IFNGR2: variants seen among roughly 807,000 people sequenced by gnomAD.
IFNGR2 encodes interferon gamma receptor 2.
Under a neutral mutation model 41.1 loss-of-function variants are expected in IFNGR2, and 15 were observed. The ratio of observed to expected loss-of-function variants is 0.37; its 90% CI spans 0.24 to 0.56. The LOEUF is 0.56. IFNGR2 is among the 20% of genes least tolerant of loss of function. The pLI, the probability that IFNGR2 is intolerant of heterozygous loss-of-function variation, is 0.81. For synonymous variants in IFNGR2, 161 were observed against 171.6 expected (o/e 0.94, Z 0.48); for missense variants, 362 against 415.7 (o/e 0.87, Z 1.12).
At chr21:33,418,441 T>C (rs1240662090) in intron 2 of IFNGR2, among the ~76,000 whole-genome samples, 1 of 151,932 alleles carries the variant, frequency 6.6e-6, no homozygotes, top group Non-Finnish European at 1.5e-5. Flanking sequence ...GGATGATTTC[T>C]TTTTCTTTTT....
intron 6 of IFNGR2, among the ~76,000 whole-genome samples, chr21:33,434,924 G>A (rs946503199): frequency 3.9e-5 from 6 of 152,098 alleles, no homozygotes; most frequent in African/African-American, 1.4e-4. Context: ...GAAAACACAG[G>A]CCTGTCAGTT....
chr21:33,426,493 C>T (rs555158706), intron 3 of IFNGR2, among the ~76,000 whole-genome samples: 4 of 151,670 alleles, frequency 2.6e-5, no homozygotes, highest in African/African-American at 7.3e-5. Context: ...CTGAGGTGGG[C>T]GGATCACGAG....
chr21:33,428,810 G>A (rs1206475284), intron 4 of IFNGR2, among the ~76,000 whole-genome samples: 1 of 152,176 alleles, frequency 6.6e-6, no homozygotes, highest in Non-Finnish European at 1.5e-5. Flanking sequence ...CGAGGGCACC[G>A]TGTTGCCATG....
rs565152030 is a variant in IFNGR2 at position 33,409,252 on chromosome 21, AGGTCAGGAGATCAAGACCATCCT to A, written c.74-5633_74-5611del. Among the ~76,000 whole-genome samples the A allele has an allele frequency of 2.9e-3, 442 of 152,008 alleles. 1 individual carries two copies. Among genetic ancestry groups the A allele is most frequent in the Admixed American group, 4.8e-3 (73 of 15,262 alleles). ...GGGAGGCCAAGGCAGGCAGATCAGG[AGGTCAGGAGATCAAGACCATCCT>A]GGCTAATAATGGTGAAACCTCGTCT... On this transcript the variant is annotated intron_variant, in intron 1 of 6. Coordinates refer to ENST00000290219, the MANE Select transcript of IFNGR2 (RefSeq NM_005534.4).
rs557769248 is a variant in IFNGR2 at position 33,421,568 on chromosome 21, G to A, written c.295G>A (p.Ala99Thr). 9.9e-6 allele frequency: 16 copies of A among 1,613,906 alleles called. No homozygotes were observed. Among genetic ancestry groups the A allele is most frequent in the East Asian group, 2.2e-5 (1 of 44,880 alleles). ...AGCAACAGAGTGTGACTTCACTGCC[G>A]CCAGTCCCTCAGCAGGCTTCCCAAT... ...ITATECDFTA[A>T]SPSAGFPMDF... The change falls in exon 3 of 7, where the codon GCC (alanine) becomes ACC (threonine). Residue 99 changes from alanine (A) to threonine (T), a missense_variant. Physicochemically the swap from Ala to Thr is moderately conservative, Grantham distance 58 (BLOSUM62 0). Coordinates refer to ENST00000290219, the MANE Select transcript of IFNGR2 (RefSeq NM_005534.4).
chr21:33,415,070 T>C (rs752713458), intron 2 of IFNGR2, 50 bp downstream of exon 2: 83 of 1,609,276 alleles, frequency 5.2e-5, no homozygotes, highest in Non-Finnish European at 6.5e-5. Context: ...GGGGGCATCG[T>C]GCGGAACCCT....
chr21:33,410,914 G>T (rs554316937), intron 1 of IFNGR2: 19 of 1,493,122 alleles, frequency 1.3e-5, no homozygotes, highest in Non-Finnish European at 1.7e-5. Flanking sequence ...GTATCTGGGT[G>T]TAACCTGTAT....
At chr21:33,431,518 C>T (rs147643376) in intron 4 of IFNGR2, among the ~76,000 whole-genome samples, 311 of 152,190 alleles carry the variant, frequency 2.0e-3, no homozygotes, top group African/African-American at 7.1e-3. Flanking sequence ...TGCAGTGAGC[C>T]GAGGTCGCAC....
intron 6 of IFNGR2, among the ~76,000 whole-genome samples, chr21:33,435,926 G>A (rs2083942957): frequency 6.7e-6 from 1 of 149,246 alleles, no homozygotes; most frequent in Non-Finnish European, 1.5e-5. Flanking sequence ...CCGTGGTGGT[G>A]CACGCCTGCA....
chr21:33,428,113 G>GGCAGA (rs759983725), intron 4 of IFNGR2, among the ~76,000 whole-genome samples: 4 of 152,102 alleles, frequency 2.6e-5, no homozygotes, highest in East Asian at 3.9e-4. Flanking sequence ...GCGAATCACT[G>GGCAGA]GCAGAGCAGA....
At position 33,403,497 on chromosome 21, in the gene IFNGR2, A is replaced by G; in HGVS notation, c.-47A>G. On this transcript the variant is annotated 5_prime_UTR_variant, in exon 1 of 7. Coordinates refer to ENST00000290219, the MANE Select transcript of IFNGR2 (RefSeq NM_005534.4). The stretch of plus-strand genomic sequence containing the variant: ...GACGTGAGCGGCTCCGCGGACCCCG[A>G]GCGGGGCCCCGGCCGCGACCTGAGC... 8.8e-7 allele frequency: 1 copy of G among 1,137,904 alleles called. No homozygotes were observed. Among genetic ancestry groups the G allele is most frequent in the Non-Finnish European group, 1.1e-6 (1 of 926,816 alleles). 70.5% of individuals were successfully genotyped at this position (1,137,904 alleles called of 1,614,324 possible). A position where few individuals can be genotyped will look rare whatever the true frequency, so the allele number is the denominator to read the frequency against.
intron 4 of IFNGR2, among the ~76,000 whole-genome samples, chr21:33,429,351 C>CTTTT (rs371853688): frequency 0.99 from 151,227 of 152,242 alleles, 75,111 homozygotes; most frequent in East Asian, 1. Context: ...ACTCTGATTT[C>CTTTT]GTTTTGAGAC....
At chr21:33,405,103 G>GAAAAA (rs3057379) in intron 1 of IFNGR2, among the ~76,000 whole-genome samples, 3 of 119,828 alleles carry the variant, frequency 2.5e-5, no homozygotes, top group Non-Finnish European at 1.8e-5. Context: ...CTCTGTCTCA[G>GAAAAA]AAAAAAAAAA....
chr21:33,414,293 C>T (rs1055152394), intron 1 of IFNGR2, among the ~76,000 whole-genome samples: 5 of 152,174 alleles, frequency 3.3e-5, no homozygotes, highest in African/African-American at 7.2e-5. Context: ...GCCCAGAAGT[C>T]GGCGTTCCTT....
intron 4 of IFNGR2, among the ~76,000 whole-genome samples, chr21:33,428,938 G>C (rs1314475114): frequency 6.6e-6 from 1 of 152,114 alleles, no homozygotes; most frequent in Non-Finnish European, 1.5e-5. Context: ...AGCTGGGCAG[G>C]GCTGCCCAGC....
rs369150049 is a variant in IFNGR2 at position 33,436,941 on chromosome 21, A to G, written c.993A>G (p.Glu331=). The change falls in exon 7 of 7, where the codon GAA becomes GAG. Residue 331 remains glutamate (E), a synonymous_variant. Coordinates refer to ENST00000290219, the MANE Select transcript of IFNGR2 (RefSeq NM_005534.4). ...TCTCGTTTCCGGAAAAGGAGCAAGA[A>G]GATGTTCTCCAAACGCTTTGAACCA... The part of the protein sequence containing the change: ...SIISFPEKEQ[E]DVLQTL The G allele has an allele frequency of 6.2e-7, 1 of 1,614,036 alleles. No homozygotes were observed. Among genetic ancestry groups the G allele is most frequent in the Non-Finnish European group, 8.5e-7 (1 of 1,179,966 alleles).
chr21:33,415,912 A>G (rs962506456), intron 2 of IFNGR2, among the ~76,000 whole-genome samples: 1 of 152,170 alleles, frequency 6.6e-6, no homozygotes, highest in Non-Finnish European at 1.5e-5. Context: ...CCCAGGCTGG[A>G]GGGCAATGGC....
In IFNGR2 at chr21:33,421,476, C is replaced by A. The variant is rs1470510249; in HGVS notation, c.207-4C>A. On this transcript the variant is annotated splice_polypyrimidine_tract_variant and splice_region_variant and intron_variant, in intron 2 of 6. Coordinates refer to ENST00000290219, the MANE Select transcript of IFNGR2 (RefSeq NM_005534.4). ...GTGAATTGAAATCCTTTTTTCCTTC[C>A]CAGCACCGACAGTAAATGGTTCACG... The A allele has an allele frequency of 1.2e-6, 2 of 1,611,642 alleles. No individual in the cohort carries two copies. The highest frequency in any genetic ancestry group is 1.7e-6 in the Non-Finnish European group (2 of 1,178,094).
At chr21:33,421,994 T>C (rs2083797177) in intron 3 of IFNGR2, among the ~76,000 whole-genome samples, 2 of 152,316 alleles carry the variant, frequency 1.3e-5, no homozygotes, top group African/African-American at 4.8e-5. Context: ...CACACTACAA[T>C]GGTAGAGTAG....
Sources: allele counts gnomAD v4.1 joint callset (sites outside exome capture counted in the v4.1 genomes callset), GRCh38; gene constraint gnomAD v4.1.1; transcripts MANE v1.5; gene names NCBI Gene and HGNC (gene_info 2026-07-23, HGNC 2026-07-21).